The following PRTFDC1 variants were observed in gnomAD, a reference collection of about 807,000 sequenced individuals.
PRTFDC1 encodes the protein phosphoribosyltransferase domain-containing protein 1.
A neutral mutation model predicts 34.6 loss-of-function variants in PRTFDC1; 38 were observed. The ratio of observed to expected loss-of-function variants is 1.10; its 90% CI spans 0.85 to 1.44. The LOEUF (loss-of-function observed/expected upper bound fraction) is 1.44. Among genes scored for constraint, PRTFDC1 ranks in the 40% most tolerant of loss-of-function variants. The pLI is 0.00. For synonymous variants in PRTFDC1, 93 were observed against 98.1 expected, an observed-to-expected ratio of 0.95 and a Z score of 0.31; for missense variants, 270 against 283.0, an observed-to-expected ratio of 0.95 and a Z score of 0.33.
chr10:24,951,755 T>C (rs1588631160), intron 1 of PRTFDC1: 2 of 271,014 alleles, frequency 7.4e-6, no homozygotes, highest in East Asian at 1.8e-4. Flanking sequence ...CAAGAACGGG[T>C]TGGATCCTAG....
intron 1 of PRTFDC1, among the ~76,000 whole-genome samples, chr10:24,950,284 C>T (rs535370980): frequency 7.9e-5 from 12 of 152,214 alleles, no homozygotes; most frequent in African/African-American, 2.2e-4. Flanking sequence ...GGATCAGATG[C>T]GTTTCCAATT....
intron 3 of PRTFDC1, among the ~76,000 whole-genome samples, chr10:24,920,088 A>T (rs1848760195): frequency 6.6e-6 from 1 of 152,212 alleles, no homozygotes. Context: ...ACTTAGAATC[A>T]GAAATACCAT....
In PRTFDC1 at chr10:24,855,371, T is replaced by A. The variant is rs748284688; in HGVS notation, c.507-7A>T. ...TGTTCTCTTCACCAACAAACTACCA[T>A]TAAAAAAGACATGCTTTAGTGAACC... On this transcript the variant is annotated splice_polypyrimidine_tract_variant and splice_region_variant and intron_variant, in intron 6 of 8. Transcript: ENST00000320152. The A allele has an allele frequency of 6.2e-6, 10 of 1,613,784 alleles. No individual in the cohort carries two copies. The South Asian group carries it at 9.9e-5, about 16-fold the overall frequency.
In PRTFDC1 at chr10:24,871,619, T is replaced by C. The variant is rs555442941; in HGVS notation, c.405+379A>G. On this transcript the variant is annotated intron_variant, in intron 4 of 8. Coordinates refer to ENST00000320152, the MANE Select transcript of PRTFDC1 (RefSeq NM_020200.7). ...CAATGAACCTGTGTAAATGTCTTACTGACGTGCCTGGGTGCAGAGGATGGA... is the reference window on the plus strand; with the variant it reads ...CAATGAACCTGTGTAAATGTCTTACCGACGTGCCTGGGTGCAGAGGATGGA... Among the ~76,000 whole-genome samples the C allele has an allele frequency of 2.9e-3, 431 of 150,412 alleles. 4 individuals are homozygous for C. Among genetic ancestry groups the C allele is most frequent in the African/African-American group, 0.01 (420 of 40,878 alleles).
chr10:24,901,328 G>T (rs1009631888), intron 3 of PRTFDC1, among the ~76,000 whole-genome samples: 6 of 152,134 alleles, frequency 3.9e-5, no homozygotes, highest in Admixed American at 1.3e-4. Flanking sequence ...TAAGGGTGAA[G>T]GAACCCAGCA....
At chr10:24,894,347 A>G (rs1190772686) in intron 3 of PRTFDC1, among the ~76,000 whole-genome samples, 24 of 151,028 alleles carry the variant, frequency 1.6e-4, no homozygotes, top group East Asian at 3.9e-4. Flanking sequence ...AAAAAAAAAA[A>G]AGAGAGAGAA....
rs964584534 is a variant in PRTFDC1, at chr10:24,860,509, C to T, written c.406-2100G>A. On this transcript the variant is annotated intron_variant, in intron 4 of 8. Transcript: ENST00000320152. ...ACCAGCCGACCAACAACTCTGTTAA[C>T]TTTGCACCGTATATCAAACACATTC... 8.5e-5 allele frequency among the ~76,000 whole-genome samples: 13 copies of T among 152,206 alleles called. 1 individual carries two copies. Among genetic ancestry groups the T allele is most frequent in the African/African-American group, 2.7e-4 (11 of 41,462 alleles).
chr10:24,895,972 A>C (rs548760572), intron 3 of PRTFDC1, among the ~76,000 whole-genome samples: 2 of 152,088 alleles, frequency 1.3e-5, no homozygotes, highest in African/African-American at 4.8e-5. Flanking sequence ...CTTTCACTGC[A>C]CTGACACAGT....
chr10:24,860,179 A>G (rs573570612), intron 4 of PRTFDC1, among the ~76,000 whole-genome samples: 2 of 152,300 alleles, frequency 1.3e-5, no homozygotes, highest in African/African-American at 2.4e-5. Flanking sequence ...CAGGAGTTCA[A>G]GACCAGCCTG....
intron 3 of PRTFDC1, chr10:24,908,302 T>C: frequency 1.5e-6 from 1 of 660,152 alleles, no homozygotes; most frequent in Non-Finnish European, 2.4e-6. Flanking sequence ...ACTACCACAT[T>C]GTATTTCAAG....
intron 3 of PRTFDC1, among the ~76,000 whole-genome samples, chr10:24,919,880 C>A (rs943118462): frequency 6.6e-6 from 1 of 151,974 alleles, no homozygotes; most frequent in Non-Finnish European, 1.5e-5. Flanking sequence ...AAAAACTCAA[C>A]ATCACAAATC....
chr10:24,909,272 C>T (rs1415506546), intron 3 of PRTFDC1, among the ~76,000 whole-genome samples: 2 of 152,064 alleles, frequency 1.3e-5, no homozygotes, highest in Admixed American at 6.5e-5. Flanking sequence ...CACAGTGAGA[C>T]TTTCATCTCA....
At chr10:24,877,780 C>T (rs148489522) in intron 3 of PRTFDC1, among the ~76,000 whole-genome samples, 220 of 152,166 alleles carry the variant, frequency 1.4e-3, no homozygotes, top group Non-Finnish European at 1.8e-3. Flanking sequence ...GCCACCATGA[C>T]GGGCTAATTT....
intron 3 of PRTFDC1, among the ~76,000 whole-genome samples, chr10:24,930,666 T>C (rs970951301): frequency 6.6e-6 from 1 of 152,152 alleles, no homozygotes; most frequent in African/African-American, 2.4e-5. Flanking sequence ...ATTTAAATAC[T>C]AGATCCACCA....
intron 3 of PRTFDC1, among the ~76,000 whole-genome samples, chr10:24,889,955 G>A (rs867408021): frequency 2.0e-5 from 3 of 152,220 alleles, no homozygotes; most frequent in Non-Finnish European, 4.4e-5. Context: ...TGTAAACAGC[G>A]TTGCTCATCT....
intron 3 of PRTFDC1, among the ~76,000 whole-genome samples, chr10:24,883,506 G>A (rs1848115442): frequency 6.6e-6 from 1 of 152,102 alleles, no homozygotes; most frequent in South Asian, 2.1e-4. Flanking sequence ...AGAAGGGAAT[G>A]GATCTTTATT....
chr10:24,922,372 A>G (rs1356975438), intron 3 of PRTFDC1, among the ~76,000 whole-genome samples: 1 of 152,212 alleles, frequency 6.6e-6, no homozygotes, highest in Non-Finnish European at 1.5e-5. Flanking sequence ...CCGCATTGAT[A>G]TGGTTTGGCT....
At chr10:24,864,717 C>T (rs1406758349) in intron 4 of PRTFDC1, among the ~76,000 whole-genome samples, 3 of 152,138 alleles carry the variant, frequency 2.0e-5, no homozygotes, top group Non-Finnish European at 2.9e-5. Context: ...CTCTCTTTAT[C>T]GTGGTGATCT....
At chr10:24,923,730 A>G (rs1176434790) in intron 3 of PRTFDC1, among the ~76,000 whole-genome samples, 5 of 152,330 alleles carry the variant, frequency 3.3e-5, no homozygotes, top group African/African-American at 1.2e-4. Context: ...TCCAAAAACC[A>G]GAGTTCTTCT....
Sources: gnomAD v4.1 joint callset for allele counts (sites outside exome capture counted in the v4.1 genomes callset) on GRCh38, gnomAD v4.1.1 for gene constraint, MANE v1.5 for transcripts, NCBI Gene and HGNC (gene_info 2026-07-23, HGNC 2026-07-21) for gene names.